Variants in NRG3 observed in about 807,000 individuals in gnomAD.
The protein encoded by NRG3 is neuregulin 3, also known as pro-neuregulin-3, membrane-bound isoform.
A neutral mutation model predicts 66.9 loss-of-function variants in NRG3; 31 were observed. The observed-to-expected ratio is 0.46, with a 90% CI of 0.35 to 0.63. The LOEUF is 0.63. NRG3 is among the 20% of genes least tolerant of loss of function. The probability of loss-of-function intolerance (pLI) is 0.00; values close to 1 mark genes in which losing one functional copy is unlikely to be tolerated. For missense variants in NRG3, 910 were observed against 878.9 expected, an observed-to-expected ratio of 1.04 and a Z score of -0.45; for synonymous variants, 393 against 359.4, an observed-to-expected ratio of 1.09 and a Z score of -1.06.
chr10:81,979,285 T>C (rs2060245877), intron 1 of NRG3, among the ~76,000 whole-genome samples: 2 of 151,526 alleles, frequency 1.3e-5, no homozygotes, highest in South Asian at 4.2e-4. Context: ...CTCCACAGAG[T>C]CTCTATGGGA....
intron 1 of NRG3, among the ~76,000 whole-genome samples, chr10:82,048,801 G>T (rs949202530): frequency 2.0e-5 from 3 of 151,454 alleles, no homozygotes; most frequent in African/African-American, 7.3e-5. Flanking sequence ...AAAAATTAAT[G>T]AATCCAGGAG....
intron 2 of NRG3, among the ~76,000 whole-genome samples, chr10:82,705,280 AGG>A (rs1353412356): frequency 2.0e-5 from 3 of 152,154 alleles, no homozygotes; most frequent in African/African-American, 7.2e-5. Flanking sequence ...TCTGATTAGA[AGG>A]TCTGGGGTGG....
chr10:82,507,537 C>T (rs1273058103), intron 2 of NRG3, among the ~76,000 whole-genome samples: 2 of 152,186 alleles, frequency 1.3e-5, no homozygotes, highest in East Asian at 1.9e-4. Flanking sequence ...GACACAAAGC[C>T]TGTAGCTGGA....
At chr10:82,072,214 T>C (rs1268765372) in intron 1 of NRG3, among the ~76,000 whole-genome samples, 1 of 152,216 alleles carries the variant, frequency 6.6e-6, no homozygotes, top group Non-Finnish European at 1.5e-5. Context: ...ATATTTTGAA[T>C]ATAGAGCCAA....
At chr10:82,554,336 T>C (rs2044509786) in intron 2 of NRG3, among the ~76,000 whole-genome samples, 1 of 152,200 alleles carries the variant, frequency 6.6e-6, no homozygotes, top group Non-Finnish European at 1.5e-5. Flanking sequence ...AGCTAATTAA[T>C]GTGATATGAT....
intron 1 of NRG3, among the ~76,000 whole-genome samples, chr10:82,062,418 C>A (rs141842160): frequency 6.6e-6 from 1 of 151,950 alleles, no homozygotes; most frequent in Non-Finnish European, 1.5e-5. Flanking sequence ...GCAGCCTGGC[C>A]AACATGGTGA....
At chr10:82,957,534 A>G (rs1850170449) in intron 5 of NRG3, among the ~76,000 whole-genome samples, 2 of 151,974 alleles carry the variant, frequency 1.3e-5, no homozygotes, top group South Asian at 4.1e-4. Context: ...GGAGAAGGAC[A>G]TGAAGGGAGC....
intron 4 of NRG3, among the ~76,000 whole-genome samples, chr10:82,868,781 C>G (rs1243082522): frequency 6.6e-6 from 1 of 152,152 alleles, no homozygotes; most frequent in Admixed American, 6.6e-5. Context: ...CAACCTCCGC[C>G]TCCCAAGTTC....
At chr10:82,551,338 A>G (rs891149727) in intron 2 of NRG3, among the ~76,000 whole-genome samples, 7 of 152,168 alleles carry the variant, frequency 4.6e-5, no homozygotes, top group African/African-American at 1.7e-4. Context: ...TTTAAAAAAA[A>G]TCTCCTGACA....
intron 2 of NRG3, among the ~76,000 whole-genome samples, chr10:82,421,001 T>C (rs973916315): frequency 6.6e-6 from 1 of 152,052 alleles, no homozygotes; most frequent in African/African-American, 2.4e-5. Context: ...GTGTGTTAAT[T>C]ACAGGGGCAG....
chr10:82,888,198 A>G (rs1056341535), intron 4 of NRG3, among the ~76,000 whole-genome samples: 6 of 152,176 alleles, frequency 3.9e-5, no homozygotes, highest in African/African-American at 1.2e-4. Context: ...GACAAATCCA[A>G]TTCTATACTC....
At chr10:82,876,817 G>A (rs1841859967) in intron 4 of NRG3, among the ~76,000 whole-genome samples, 2 of 152,110 alleles carry the variant, frequency 1.3e-5, no homozygotes, top group Admixed American at 1.3e-4. Flanking sequence ...GAGGTCATGA[G>A]TTCAAGACCA....
chr10:82,190,231 G>A (rs898124741), intron 1 of NRG3, among the ~76,000 whole-genome samples: 7 of 151,896 alleles, frequency 4.6e-5, no homozygotes, highest in Non-Finnish European at 7.4e-5. Context: ...CACATTGCCT[G>A]TCACAAAGTG....
chr10:82,751,450 T>C (rs17100730), intron 3 of NRG3, among the ~76,000 whole-genome samples: 16,002 of 152,168 alleles, frequency 0.11, 2,634 homozygotes, highest in African/African-American at 0.35. Context: ...ACATTCCAGA[T>C]CCAATAGGAG....
chr10:82,197,400 T>A (rs1169618143), intron 1 of NRG3, among the ~76,000 whole-genome samples: 1 of 152,278 alleles, frequency 6.6e-6, no homozygotes, highest in African/African-American at 2.4e-5. Context: ...ATGGATTAGA[T>A]GTTAGGCACA....
At chr10:82,371,872 C>T (rs1278877533) in intron 2 of NRG3, among the ~76,000 whole-genome samples, 3 of 152,082 alleles carry the variant, frequency 2.0e-5, no homozygotes, top group Non-Finnish European at 4.4e-5. Flanking sequence ...AATGAGAGCG[C>T]ACTCTCCTCT....
intron 1 of NRG3, among the ~76,000 whole-genome samples, chr10:81,980,201 ATT>A (rs199971016): frequency 1.4e-5 from 2 of 145,390 alleles, no homozygotes; most frequent in Admixed American, 6.9e-5. Context: ...GGAGTTGGAG[ATT>A]TTTTTTTTTT....
intron 3 of NRG3, among the ~76,000 whole-genome samples, chr10:82,759,272 T>C (rs2135038438): frequency 6.6e-6 from 1 of 152,206 alleles, no homozygotes; most frequent in East Asian, 1.9e-4. Flanking sequence ...TGAAGCAGCA[T>C]GAGGCCCTCA....
rs147472263 is a variant in NRG3 at position 82,619,460 on chromosome 10, C to T, written c.954-119117C>T. On this transcript the variant is annotated intron_variant, in intron 2 of 8. Coordinates refer to ENST00000372141, the MANE Select transcript of NRG3 (RefSeq NM_001010848.4). ...GTATTTCTGCATGCTAAAGTGTAGC[C>T]TCATGCAAACCTTTAAAAAGAAAAA... Among the ~76,000 whole-genome samples, 537 of 152,224 alleles carry T rather than the reference C, an allele frequency of 3.5e-3. 2 individuals are homozygous for T. The highest frequency in any genetic ancestry group is 5.5e-3 in the Non-Finnish European group (374 of 68,020).
Sources: allele counts gnomAD v4.1 joint callset (sites outside exome capture counted in the v4.1 genomes callset), GRCh38; gene constraint gnomAD v4.1.1; transcripts MANE v1.5; gene names NCBI Gene and HGNC (gene_info 2026-07-23, HGNC 2026-07-21).